The following EYS variants were observed in gnomAD, a reference collection of about 807,000 sequenced individuals.
The protein encoded by EYS is EGF-like photoreceptor maintenance factor.
EYS carries 250 observed loss-of-function variants against 282.1 expected under a neutral mutation model. That is an observed-to-expected ratio of 0.89 (90% confidence interval 0.80 to 0.98). EYS has a LOEUF of 0.98. EYS is among the 50% of genes least tolerant of loss of function. The probability of loss-of-function intolerance (pLI) is 0.00; values close to 1 mark genes in which losing one functional copy is unlikely to be tolerated. For synonymous variants in EYS, 1,355 were observed against 1,282.9 expected (o/e 1.06, Z -1.20); for missense variants, 4,016 against 3,709.0 (o/e 1.08, Z -2.15).
intron 12 of EYS, among the ~76,000 whole-genome samples, chr6:65,245,275 G>C (rs9654551): frequency 0.033 from 5,080 of 152,174 alleles, 256 homozygotes; most frequent in African/African-American, 0.11. Flanking sequence ...GTTTGAGAAG[G>C]AAATATGCAA....
chr6:63,877,626 T>TA (rs1370022439), intron 35 of EYS, among the ~76,000 whole-genome samples: 1 of 152,046 alleles, frequency 6.6e-6, no homozygotes, highest in Non-Finnish European at 1.5e-5. Context: ...GTAGATTTGT[T>TA]TTTTTTACAT....
chr6:64,010,967 A>G (rs1272498122), intron 33 of EYS, among the ~76,000 whole-genome samples: 1 of 151,978 alleles, frequency 6.6e-6, no homozygotes, highest in Non-Finnish European at 1.5e-5. Flanking sequence ...GTATATATAT[A>G]TGAATATATT....
Position 63,762,586 on chromosome 6 carries a change from A to G in EYS, c.7946T>C (p.Val2649Ala), listed in dbSNP as rs1167179463. 1 of 1,550,342 alleles carries G rather than the reference A, an allele frequency of 6.5e-7. No homozygotes were observed. The highest frequency in any genetic ancestry group is 2.0e-5 in the Admixed American group (1 of 50,932). ...GTCATGTTCAGGATCACAGGTAGAA[A>G]CTGTCTCTGTGCAGAATGATCCTTT... ...GWKGSFCTET[V>A]STCDPEHDPP... Residue 2649 changes from valine (V) to alanine (A), a missense_variant, in exon 41 of 43, where the codon GTT becomes GCT. By Grantham distance (64) the Val-to-Ala change is moderately conservative. Coordinates refer to ENST00000503581, the MANE Select transcript of EYS (RefSeq NM_001142800.2).
At chr6:63,972,308 G>A (rs1235734552) in intron 35 of EYS, among the ~76,000 whole-genome samples, 1 of 152,024 alleles carries the variant, frequency 6.6e-6, no homozygotes, top group Non-Finnish European at 1.5e-5. Flanking sequence ...TACTATACTT[G>A]AAAAATAGCT....
intron 11 of EYS, among the ~76,000 whole-genome samples, chr6:65,318,030 G>T (rs1260589448): frequency 6.7e-6 from 1 of 149,424 alleles, no homozygotes; most frequent in Non-Finnish European, 1.5e-5. Context: ...ACCACGCCCA[G>T]CTAATTTTTT....
chr6:65,286,110 T>C (rs1406651284), intron 12 of EYS, among the ~76,000 whole-genome samples: 3 of 151,922 alleles, frequency 2.0e-5, no homozygotes, highest in African/African-American at 7.2e-5. Context: ...AGAAAATTAA[T>C]TCTCATTGAA....
intron 29 of EYS, among the ~76,000 whole-genome samples, chr6:64,382,135 A>G (rs6920697): frequency 0.025 from 3,727 of 151,910 alleles, 146 homozygotes; most frequent in African/African-American, 0.085. Context: ...ATGATAATAC[A>G]TTTTCTTGGC....
chr6:65,388,572 A>G (rs888131877), intron 7 of EYS, among the ~76,000 whole-genome samples: 53 of 152,030 alleles, frequency 3.5e-4, no homozygotes, highest in African/African-American at 1.3e-3. Flanking sequence ...GCAAATACCA[A>G]GGATTGAAGC....
In EYS at chr6:64,868,344, A is replaced by G. The variant is rs184412612; in HGVS notation, c.2992+18353T>C. Among the ~76,000 whole-genome samples the G allele has an allele frequency of 1.1e-3, 166 of 151,574 alleles. 1 individual carries two copies. The highest frequency in any genetic ancestry group is 4.0e-3 in the African/African-American group (164 of 41,518). ...GTGACAATTTTTTCTAACTTATTAAAACATAAATGCATGTTACAAAATATT... is the reference window on the plus strand; with the variant it reads ...GTGACAATTTTTTCTAACTTATTAAGACATAAATGCATGTTACAAAATATT... On this transcript the variant is annotated intron_variant, in intron 19 of 42. Transcript: ENST00000503581.
At chr6:65,619,622 G>C (rs1295886485) in intron 2 of EYS, among the ~76,000 whole-genome samples, 2 of 151,856 alleles carry the variant, frequency 1.3e-5, no homozygotes, top group Non-Finnish European at 1.5e-5. Context: ...GGGCATCCCT[G>C]TCTTGTGCCC....
intron 2 of EYS, among the ~76,000 whole-genome samples, chr6:65,506,032 C>T (rs1480756669): frequency 6.6e-6 from 1 of 152,128 alleles, no homozygotes; most frequent in Non-Finnish European, 1.5e-5. Flanking sequence ...TGTTTTATCA[C>T]TTGTCTAACA....
intron 30 of EYS, among the ~76,000 whole-genome samples, chr6:64,293,032 A>T (rs1768771669): frequency 1.3e-5 from 2 of 152,082 alleles, no homozygotes; most frequent in Non-Finnish European, 2.9e-5. Context: ...ACTGTTAATG[A>T]TATCAATATG....
rs112076826 is a variant in EYS, at chr6:65,206,392, T to TA, written c.2023+89470dup. Reference sequence around the variant, plus strand: ...TAATGAGTAATAAAATTGAATCAATTAAAAAAAAAATTATAAAAATAAGCC... The same window carrying TA: ...TAATGAGTAATAAAATTGAATCAATTAAAAAAAAAAATTATAAAAATAAGCC... On this transcript the variant is annotated intron_variant, in intron 12 of 42. Transcript: ENST00000503581. 1.0e-4 allele frequency among the ~76,000 whole-genome samples: 15 copies of TA among 148,946 alleles called. No homozygotes were observed. In the South Asian group the frequency reaches 1.3e-3, roughly 13 times the overall value.
intron 1 of EYS, among the ~76,000 whole-genome samples, chr6:65,645,232 C>G (rs1562306335): frequency 6.6e-6 from 1 of 152,114 alleles, no homozygotes; most frequent in Non-Finnish European, 1.5e-5. Flanking sequence ...GCAGGATATA[C>G]ATTCTGTTCA....
intron 36 of EYS, among the ~76,000 whole-genome samples, chr6:63,847,350 A>G (rs750079836): frequency 4.1e-4 from 63 of 152,176 alleles, no homozygotes; most frequent in Admixed American, 2.0e-4. Flanking sequence ...GTTGCAAGCT[A>G]TAATTAATTT....
chr6:65,193,184 A>T (rs913185864), intron 12 of EYS, among the ~76,000 whole-genome samples: 1 of 151,844 alleles, frequency 6.6e-6, no homozygotes, highest in Admixed American at 6.6e-5. Flanking sequence ...CAACAATTCA[A>T]TGAGGTAGTT....
intron 22 of EYS, among the ~76,000 whole-genome samples, chr6:64,731,737 G>A (rs1179793644): frequency 6.6e-6 from 1 of 152,188 alleles, no homozygotes; most frequent in African/African-American, 2.4e-5. Context: ...TTTAAATGTT[G>A]TGGAAGACAG....
At chr6:65,014,604 G>A (rs963578051) in intron 13 of EYS, among the ~76,000 whole-genome samples, 3 of 152,080 alleles carry the variant, frequency 2.0e-5, no homozygotes, top group Non-Finnish European at 2.9e-5. Context: ...GAAAGTTCAG[G>A]AGATTGAAAA....
At chr6:64,127,804 G>A (rs1773833800) in intron 31 of EYS, among the ~76,000 whole-genome samples, 1 of 152,044 alleles carries the variant, frequency 6.6e-6, no homozygotes, top group Non-Finnish European at 1.5e-5. Context: ...CTGTTTCAAG[G>A]AATCTTGACC....
Sources: allele counts gnomAD v4.1 joint callset (sites outside exome capture counted in the v4.1 genomes callset), GRCh38; gene constraint gnomAD v4.1.1; transcripts MANE v1.5; gene names NCBI Gene and HGNC (gene_info 2026-07-23, HGNC 2026-07-21).